Variants in IL12RB2 observed in about 807,000 individuals in gnomAD.
IL12RB2 encodes interleukin-12 receptor subunit beta-2.
Under a neutral mutation model 89.4 loss-of-function variants are expected in IL12RB2, and 82 were observed. The ratio of observed to expected loss-of-function variants is 0.92; its 90% CI spans 0.77 to 1.10. The LOEUF is 1.10. IL12RB2 is among the 50% of genes least tolerant of loss of function. IL12RB2 has a pLI of 0.00. For synonymous variants in IL12RB2, 368 were observed against 370.1 expected, an observed-to-expected ratio of 0.99 and a Z score of 0.07; for missense variants, 963 against 1,031.9, an observed-to-expected ratio of 0.93 and a Z score of 0.92.
intron 9 of IL12RB2, among the ~76,000 whole-genome samples, chr1:67,341,977 G>A (rs939711184): frequency 6.6e-6 from 1 of 152,214 alleles, no homozygotes; most frequent in African/African-American, 2.4e-5. Context: ...TTTCCAGTGA[G>A]GGGATTTCAG....
At chr1:67,385,471 G>A (rs1009260976) in intron 14 of IL12RB2, among the ~76,000 whole-genome samples, 4 of 152,162 alleles carry the variant, frequency 2.6e-5, no homozygotes, top group African/African-American at 9.7e-5. Context: ...GATGAGATTT[G>A]GGTGGGCACA....
chr1:67,360,405 A>T (rs1242735513), intron 10 of IL12RB2, among the ~76,000 whole-genome samples: 1 of 151,226 alleles, frequency 6.6e-6, no homozygotes, highest in Non-Finnish European at 1.5e-5. Context: ...TCAGAAAGAA[A>T]AAAAAAAAAA....
chr1:67,351,368 G>A (rs1231576624), intron 10 of IL12RB2, among the ~76,000 whole-genome samples: 1 of 152,010 alleles, frequency 6.6e-6, no homozygotes, highest in Non-Finnish European at 1.5e-5. Flanking sequence ...ATACATAGCA[G>A]GTATTTAATA....
At chr1:67,332,676 A>G (rs1658251456) in intron 8 of IL12RB2, among the ~76,000 whole-genome samples, 1 of 152,220 alleles carries the variant, frequency 6.6e-6, no homozygotes, top group African/African-American at 2.4e-5. Flanking sequence ...TTTAAAGACT[A>G]TCTCATGAAT....
At chr1:67,384,300 G>A (rs910931740) in intron 14 of IL12RB2, among the ~76,000 whole-genome samples, 2 of 152,214 alleles carry the variant, frequency 1.3e-5, no homozygotes, top group African/African-American at 4.8e-5. Context: ...CATGGAAGCT[G>A]CCAAGGCCTG....
intron 1 of IL12RB2, among the ~76,000 whole-genome samples, chr1:67,312,812 C>T (rs952805103): frequency 3.3e-5 from 5 of 151,386 alleles, no homozygotes; most frequent in African/African-American, 1.2e-4. Context: ...AAAGAGGAAC[C>T]ATAGGACAGC....
chr1:67,309,380 C>T (rs1334539600), intron 1 of IL12RB2, among the ~76,000 whole-genome samples: 1 of 152,158 alleles, frequency 6.6e-6, no homozygotes. Flanking sequence ...AACCTTATAA[C>T]CACCTCCACT....
intron 9 of IL12RB2, among the ~76,000 whole-genome samples, chr1:67,340,943 C>T (rs1037653496): frequency 6.6e-6 from 1 of 152,208 alleles, no homozygotes; most frequent in Non-Finnish European, 1.5e-5. Flanking sequence ...CCTGCCAGGA[C>T]AGACAGATGT....
At chr1:67,311,742 C>A (rs1655088635) in intron 1 of IL12RB2, among the ~76,000 whole-genome samples, 1 of 152,048 alleles carries the variant, frequency 6.6e-6, no homozygotes, top group Admixed American at 6.6e-5. Flanking sequence ...ATATGAGAAA[C>A]CTGGGGAAAC....
chr1:67,364,309 T>C (rs1245384189), intron 10 of IL12RB2, among the ~76,000 whole-genome samples: 1 of 152,192 alleles, frequency 6.6e-6, no homozygotes, highest in Non-Finnish European at 1.5e-5. Flanking sequence ...GAGAATCACT[T>C]GAACCCAGGG....
At chr1:67,370,787 T>C (rs1663218586) in intron 11 of IL12RB2, among the ~76,000 whole-genome samples, 2 of 151,914 alleles carry the variant, frequency 1.3e-5, no homozygotes, top group South Asian at 4.2e-4. Context: ...AGGCCAGAAC[T>C]GGGGAAGAAG....
At position 67,383,081 on chromosome 1, in the gene IL12RB2, A is replaced by C. The variant is rs564209332; in HGVS notation, c.1855+2958A>C. On this transcript the variant is annotated intron_variant, in intron 14 of 16. Coordinates refer to ENST00000674203, the MANE Select transcript of IL12RB2 (RefSeq NM_001374259.2). ...TTTATAAAGGGAAGAGGTTTAATTG[A>C]TTCACAGTTCCACAGGGCTGGGGAA... is the stretch of plus-strand genomic sequence containing the variant. 1.3e-4 allele frequency among the ~76,000 whole-genome samples: 20 copies of C among 152,294 alleles called. No individual in the cohort carries two copies. The South Asian group carries it at 4.1e-3, about 32-fold the overall frequency.
chr1:67,331,116 A>C (rs1569835447), intron 8 of IL12RB2, among the ~76,000 whole-genome samples: 1 of 152,326 alleles, frequency 6.6e-6, no homozygotes, highest in East Asian at 1.9e-4. Flanking sequence ...TATTTCACAG[A>C]GCTATAACCA....
intron 4 of IL12RB2, among the ~76,000 whole-genome samples, chr1:67,325,326 A>G (rs1657142618): frequency 6.6e-6 from 1 of 152,210 alleles, no homozygotes; most frequent in Non-Finnish European, 1.5e-5. Flanking sequence ...GCACTGGCAC[A>G]ATCTCAGCTC....
chr1:67,311,085 T>C (rs1376060133), intron 1 of IL12RB2, among the ~76,000 whole-genome samples: 1 of 152,162 alleles, frequency 6.6e-6, no homozygotes, highest in African/African-American at 2.4e-5. Context: ...GGTCAAGTGA[T>C]TTGTCACAGG....
At position 67,367,825 on chromosome 1, in the gene IL12RB2, G is replaced by T. The variant is rs765425600; in HGVS notation, c.1259G>T (p.Gly420Val). The T allele has an allele frequency of 5.9e-6, 9 of 1,530,716 alleles. No homozygotes were observed. The highest frequency in any genetic ancestry group is 7.2e-6 in the Non-Finnish European group (8 of 1,104,746). 94.8% of individuals were successfully genotyped at this position (1,530,716 alleles called of 1,614,324 possible). The change falls in exon 11 of 17, where the codon GGG (glycine) becomes GTG (valine). Residue 420 changes from glycine to valine, a missense_variant and splice_region_variant. By Grantham distance (109) the Gly-to-Val change is moderately radical. Coordinates refer to ENST00000674203, the MANE Select transcript of IL12RB2 (RefSeq NM_001374259.2). ...RINIMNLCEA[G>V]LLAPRQVSAN... The stretch of plus-strand genomic sequence containing the variant: ...TTTCTCCTCTTTCTGTCCGATAAAG[G>T]GTTGCTGGCTCCTCGCCAGGTCTCT...
intron 2 of IL12RB2, among the ~76,000 whole-genome samples, chr1:67,319,935 A>G (rs1425958873): frequency 6.6e-6 from 1 of 152,194 alleles, no homozygotes; most frequent in Non-Finnish European, 1.5e-5. Context: ...AGAAGGCCCC[A>G]TCTATGAACC....
chr1:67,381,898 A>G (rs927151140), intron 14 of IL12RB2, among the ~76,000 whole-genome samples: 2 of 152,132 alleles, frequency 1.3e-5, no homozygotes, highest in Non-Finnish European at 2.9e-5. Flanking sequence ...AGGCAAGAGA[A>G]TCACTTGAAC....
At chr1:67,391,662 A>G (rs1381424005) in intron 16 of IL12RB2, among the ~76,000 whole-genome samples, 1 of 150,222 alleles carries the variant, frequency 6.7e-6, no homozygotes, top group Non-Finnish European at 1.5e-5. Context: ...TTTGAGACAG[A>G]GTCTTGTTCT....
Sources: gnomAD v4.1 joint callset for allele counts (sites outside exome capture counted in the v4.1 genomes callset) on GRCh38, gnomAD v4.1.1 for gene constraint, MANE v1.5 for transcripts, NCBI Gene and HGNC (gene_info 2026-07-23, HGNC 2026-07-21) for gene names.